The following QRICH1 variants were observed in gnomAD, a reference collection of about 807,000 sequenced individuals.
QRICH1 encodes glutamine rich 1.
A neutral mutation model predicts 87.1 loss-of-function variants in QRICH1; 16 were observed. The ratio of observed to expected loss-of-function variants is 0.18; its 90% CI spans 0.12 to 0.28. The LOEUF (loss-of-function observed/expected upper bound fraction) is 0.28. Among genes scored for constraint, QRICH1 ranks in the 10% least tolerant of loss-of-function variants. The pLI, the probability that QRICH1 is intolerant of heterozygous loss-of-function variation, is 1.00. For missense variants in QRICH1, 647 were observed against 951.7 expected (o/e 0.68, Z 4.21); for synonymous variants, 367 against 368.4 (o/e 1.00, Z 0.05).
chr3:49,083,075 G>T (rs982054796), intron 1 of QRICH1, among the ~76,000 whole-genome samples: 73 of 148,990 alleles, frequency 4.9e-4, no homozygotes, highest in African/African-American at 1.8e-3. Flanking sequence ...GCATGGTAGA[G>T]CATGCCTGTA....
At chr3:49,087,348 T>C (rs1575386184) in intron 1 of QRICH1, among the ~76,000 whole-genome samples, 1 of 150,600 alleles carries the variant, frequency 6.6e-6, no homozygotes, top group African/African-American at 2.4e-5. Context: ...CACAAGGAGT[T>C]TGAGACCAGC....
At chr3:49,088,643 TGAGAC>T (rs2042216765) in intron 1 of QRICH1, among the ~76,000 whole-genome samples, 2 of 143,746 alleles carry the variant, frequency 1.4e-5, no homozygotes, top group Admixed American at 1.4e-4. Context: ...TTTTTTTTAA[TGAGAC>T]AAGGTCTTGC....
intron 2 of QRICH1, among the ~76,000 whole-genome samples, chr3:49,070,265 T>C (rs554186713): frequency 2.0e-5 from 3 of 152,250 alleles, no homozygotes; most frequent in Non-Finnish European, 4.4e-5. Context: ...CTCAAACTCC[T>C]GACCTCAGGT....
At chr3:49,073,571 C>T (rs1035322332) in intron 2 of QRICH1, among the ~76,000 whole-genome samples, 1 of 151,672 alleles carries the variant, frequency 6.6e-6, no homozygotes, top group African/African-American at 2.4e-5. Context: ...ATTTTACCTT[C>T]TCAACAAATG....
At chr3:49,081,750 C>T (rs1236532671) in intron 1 of QRICH1, among the ~76,000 whole-genome samples, 4 of 152,136 alleles carry the variant, frequency 2.6e-5, no homozygotes, top group African/African-American at 9.7e-5. Context: ...ATCTGCCCAC[C>T]TCGGCCTCCC....
chr3:49,062,036 C>T (rs2093438067), intron 2 of QRICH1, among the ~76,000 whole-genome samples: 1 of 151,908 alleles, frequency 6.6e-6, no homozygotes, highest in African/African-American at 2.4e-5. Flanking sequence ...TGCTGGTGGG[C>T]ATGTTAAATT....
At chr3:49,030,803 C>T (rs1328121119) in intron 9 of QRICH1, among the ~76,000 whole-genome samples, 159 bp from the exon 10 acceptor site, 1 of 152,138 alleles carries the variant, frequency 6.6e-6, no homozygotes, top group Non-Finnish European at 1.5e-5. Flanking sequence ...CATCCTGGTC[C>T]TCCTTTGGGA....
chr3:49,056,626 T>A (rs773940810), intron 3 of QRICH1: 54 of 733,464 alleles, frequency 7.4e-5, no homozygotes, highest in Admixed American at 1.7e-4. Context: ...CCAAAATGTC[T>A]CCAAAACTCC....
At chr3:49,056,555 A>G (rs892510960) in intron 3 of QRICH1, among the ~76,000 whole-genome samples, 10 of 152,312 alleles carry the variant, frequency 6.6e-5, no homozygotes, top group African/African-American at 2.4e-4. Context: ...CCATTCATCT[A>G]CACCTGTAAC....
chr3:49,050,422 C>CAAA (rs552220438), intron 3 of QRICH1, among the ~76,000 whole-genome samples: 140 of 58,504 alleles, frequency 2.4e-3, no homozygotes, highest in Middle Eastern at 0.011. Flanking sequence ...GACTCTGTCT[C>CAAA]AAAAAAAAAA....
chr3:49,058,961 CTTTTTTT>C (rs1160675425), intron 2 of QRICH1, among the ~76,000 whole-genome samples: 6 of 119,260 alleles, frequency 5.0e-5, no homozygotes, highest in African/African-American at 1.6e-4. Context: ...GAGTTTCACT[CTTTTTTT>C]TTTTTTTTTT....
At chr3:49,053,118 C>T (rs2093380890) in intron 3 of QRICH1, among the ~76,000 whole-genome samples, 1 of 152,010 alleles carries the variant, frequency 6.6e-6, no homozygotes, top group Admixed American at 6.6e-5. Flanking sequence ...GGAGAAGGCA[C>T]CGGTAAGCCT....
intron 2 of QRICH1, among the ~76,000 whole-genome samples, chr3:49,071,126 G>A (rs989336086): frequency 3.0e-4 from 46 of 151,286 alleles, no homozygotes; most frequent in African/African-American, 1.1e-3. Context: ...GTGCAGTGGT[G>A]TGACCCTGGC....
At chr3:49,037,622 C>T (rs866771089) in intron 6 of QRICH1, among the ~76,000 whole-genome samples, 10 of 152,028 alleles carry the variant, frequency 6.6e-5, no homozygotes, top group Non-Finnish European at 8.8e-5. Flanking sequence ...GTCCCAGCTA[C>T]TCGGGAGGCT....
Position 49,046,494 on chromosome 3 carries a change from T to C in QRICH1, c.1602A>G (p.Glu534=). 6.2e-7 allele frequency: 1 copy of C among 1,614,146 alleles called. No individual in the cohort carries two copies. Among genetic ancestry groups the C allele is most frequent in the Non-Finnish European group, 8.5e-7 (1 of 1,180,036 alleles). ...AGGGTTCACCTTCTCCATTTCGAGC[T>C]TCCCGTGTCATTAGACAGAGCCCAT... is the stretch of plus-strand genomic sequence containing the variant. ...LNYGLCLMTR[E]ARNGEGEPYD... is the part of the protein sequence containing the mutation. The change falls in exon 5 of 10, where the codon GAA becomes GAG. Residue 534 remains glutamate (E), a synonymous_variant. Coordinates refer to ENST00000395443, the MANE Select transcript of QRICH1 (RefSeq NM_198880.3).
chr3:49,089,776 G>T (rs749266304), intron 1 of QRICH1, among the ~76,000 whole-genome samples: 1 of 152,138 alleles, frequency 6.6e-6, no homozygotes, highest in Non-Finnish European at 1.5e-5. Flanking sequence ...TCTAAACTAG[G>T]TTAAGGGCTA....
intron 4 of QRICH1, 56 bp downstream of exon 4, chr3:49,047,013 T>A: frequency 6.4e-7 from 1 of 1,553,618 alleles, no homozygotes; most frequent in South Asian, 1.2e-5. Flanking sequence ...TGTCCTCCTG[T>A]TACTTTAGTA....
chr3:49,079,993 C>A (rs1010457021), intron 1 of QRICH1, among the ~76,000 whole-genome samples: 3 of 149,872 alleles, frequency 2.0e-5, no homozygotes, highest in Non-Finnish European at 4.4e-5. Context: ...CGTGCCACTG[C>A]GCTCCAGCCT....
At chr3:49,030,706 A>C in intron 9 of QRICH1, 62 bp from the exon 10 acceptor site, 1 of 1,377,160 alleles carries the variant, frequency 7.3e-7, no homozygotes, top group Non-Finnish European at 9.8e-7. Flanking sequence ...CCCACCCTGA[A>C]CTTCCCAGAC....
Sources: allele counts gnomAD v4.1 joint callset (sites outside exome capture counted in the v4.1 genomes callset), GRCh38; gene constraint gnomAD v4.1.1; transcripts MANE v1.5; gene names NCBI Gene and HGNC (gene_info 2026-07-23, HGNC 2026-07-21).